Variants in POLG2 observed in about 807,000 individuals in gnomAD.
The protein encoded by POLG2 is DNA polymerase gamma 2, accessory subunit.
Under a neutral mutation model 56.5 loss-of-function variants are expected in POLG2, and 50 were observed. The ratio of observed to expected loss-of-function variants is 0.88; its 90% CI spans 0.71 to 1.12. The LOEUF is 1.12. Ranked by LOEUF, POLG2 falls within the 50% of genes most tolerant of loss-of-function variation. POLG2 has a pLI of 0.00. For missense variants in POLG2, 584 were observed against 583.3 expected, an observed-to-expected ratio of 1.00 and a Z score of -0.01; for synonymous variants, 226 against 222.6, an observed-to-expected ratio of 1.02 and a Z score of -0.14.
chr17:64,494,113 C>T (rs1555669066), intron 1 of POLG2, among the ~76,000 whole-genome samples: 1 of 152,128 alleles, frequency 6.6e-6, no homozygotes, highest in African/African-American at 2.4e-5. Flanking sequence ...TTTCTTTCAT[C>T]CATTTGAATC....
Position 64,496,412 on chromosome 17 carries a change from A to G in POLG2, c.557T>C (p.Leu186Pro). Residue 186 changes from leucine to proline, a missense_variant, in exon 1 of 8, where the codon CTT (leucine) becomes CCT (proline). By Grantham distance (98) the Leu-to-Pro change is moderately conservative. Transcript: ENST00000539111. ...CATGAAATCGTGAAGCATACCGTGA[A>G]GAAGGTTCTCCCGTAGTTTCCCAGA... ...KTSGKLRENL[L>P]HGALEHYVNC... is the part of the protein sequence containing the mutation. 1 of 1,570,556 alleles carries G rather than the reference A, an allele frequency of 6.4e-7. No individual in the cohort carries two copies. The highest frequency in any genetic ancestry group is 8.7e-7 in the Non-Finnish European group (1 of 1,149,540).
chr17:64,494,969 A>C (rs7214650), intron 1 of POLG2, among the ~76,000 whole-genome samples: 42,142 of 151,250 alleles, frequency 0.28, 11,328 homozygotes, highest in African/African-American at 0.7. Context: ...GTCAGGAGAT[A>C]GAGACCATCC....
At position 64,497,016 on chromosome 17, in the gene POLG2, C is replaced by G. The variant is rs376183896; in HGVS notation, c.-48G>C. 1.2e-4 allele frequency: 180 copies of G among 1,537,968 alleles called. No homozygotes were observed. Among genetic ancestry groups the G allele is most frequent in the Non-Finnish European group, 1.5e-4 (172 of 1,124,292 alleles). On this transcript the variant is annotated 5_prime_UTR_variant, in exon 1 of 8. Coordinates refer to ENST00000539111, the MANE Select transcript of POLG2 (RefSeq NM_007215.4). Reference sequence around the variant, plus strand: ...CACTCTCCCATCACTCAACGGATCCCAACAAGCCACCACTACCGTTAACAG... The same window carrying G: ...CACTCTCCCATCACTCAACGGATCCGAACAAGCCACCACTACCGTTAACAG...
chr17:64,487,160 A>G (rs1472834694), intron 4 of POLG2: 1 of 152,234 alleles, frequency 6.6e-6, no homozygotes, highest in Non-Finnish European at 1.5e-5. Context: ...CACAGTCTTC[A>G]TTAATACATA....
chr17:64,481,201 C>A lies in POLG2; in HGVS notation c.1192-812G>T, dbSNP rs979527478. On this transcript the variant is annotated intron_variant, in intron 6 of 7. Transcript: ENST00000539111. ...TAAATGGTGACTGAGCTACAGCATC[C>A]TAGGAGCTTCCTAGCTTATAAGGGT... 1.7e-5 allele frequency: 14 copies of A among 836,984 alleles called. No individual in the cohort carries two copies. The South Asian group carries it at 6.6e-4, about 39-fold the overall frequency. The allele number at this position is 836,984 out of a possible 1,614,324, so 51.8% of individuals were successfully genotyped here.
intron 7 of POLG2, 51 bp downstream of exon 7, chr17:64,480,238 A>G: frequency 1.4e-6 from 1 of 690,006 alleles, no homozygotes; most frequent in Non-Finnish European, 2.4e-6. Flanking sequence ...TCATAAACAT[A>G]ATCAAAAACT....
At chr17:64,492,027 T>C (rs2038070268) in intron 3 of POLG2, among the ~76,000 whole-genome samples, 1 of 151,866 alleles carries the variant, frequency 6.6e-6, no homozygotes, top group South Asian at 2.1e-4. Flanking sequence ...TGTTTTTTAG[T>C]AGGAAAGAAC....
rs1598139595 is a variant in POLG2 at position 64,496,963 on chromosome 17, G to A, written c.6C>T (p.Arg2=). 1 of 1,605,206 alleles carries A rather than the reference G, an allele frequency of 6.2e-7. No individual in the cohort carries two copies. Among genetic ancestry groups the A allele is most frequent in the Middle Eastern group, 1.6e-4 (1 of 6,062 alleles). M[R]SRVAVRACHK... is the part of the protein sequence containing the mutation. The stretch of plus-strand genomic sequence containing the variant: ...GGCAGGCCCTGACGGCTACACGAGA[G>A]CGCATCTCTCTCCGAAGTTAAAGAG... Residue 2 remains arginine, a synonymous_variant, in exon 1 of 8, where the codon CGC becomes CGT. Coordinates refer to ENST00000539111, the MANE Select transcript of POLG2 (RefSeq NM_007215.4).
At chr17:64,482,216 G>T (rs1555666635) in intron 6 of POLG2, among the ~76,000 whole-genome samples, 1 of 146,866 alleles carries the variant, frequency 6.8e-6, no homozygotes. Context: ...TGATTCTTGT[G>T]CCTTAGCCTC....
chr17:64,491,000 A>G (rs782518830), intron 3 of POLG2, 31 bp from the exon 4 acceptor site: 10 of 1,528,482 alleles, frequency 6.5e-6, no homozygotes, highest in Non-Finnish European at 9.1e-6. Context: ...TTGTCTTAAC[A>G]TATTTAAATA....
chr17:64,485,653 G>C (rs183595768), intron 5 of POLG2, 75 bp downstream of exon 5: 7 of 1,146,100 alleles, frequency 6.1e-6, no homozygotes. Context: ...GTTAGAAACC[G>C]AGCACACTAA....
At chr17:64,494,057 A>T (rs2144207046) in intron 1 of POLG2, among the ~76,000 whole-genome samples, 1 of 152,342 alleles carries the variant, frequency 6.6e-6, no homozygotes, top group East Asian at 1.9e-4. Flanking sequence ...AATATCTTTT[A>T]CTGTTCTCTT....
intron 7 of POLG2, 27 bp from the exon 8 acceptor site, chr17:64,478,015 CAT>C (rs1239899805): frequency 8.1e-6 from 13 of 1,607,066 alleles, no homozygotes; most frequent in Non-Finnish European, 1.1e-5. Flanking sequence ...TAAACAGACA[CAT>C]GAGCACAAAT....
Position 64,496,418 on chromosome 17 carries a change from T to A in POLG2, c.551A>T (p.Asn184Ile), listed in dbSNP as rs1555669509. ...ATCGTGAAGCATACCGTGAAGAAGG[T>A]TCTCCCGTAGTTTCCCAGAAGTTTT... ...VLKTSGKLRE[N>I]LLHGALEHYV... The change falls in exon 1 of 8, where the codon AAC becomes ATC. Residue 184 changes from asparagine to isoleucine, a missense_variant. By Grantham distance (149) the Asn-to-Ile change is moderately radical. Transcript: ENST00000539111. 1.9e-6 allele frequency: 3 copies of A among 1,575,604 alleles called. No homozygotes were observed.
intron 6 of POLG2, among the ~76,000 whole-genome samples, chr17:64,482,663 G>C (rs1555666732): frequency 1.3e-5 from 2 of 152,146 alleles, no homozygotes; most frequent in African/African-American, 4.8e-5. Flanking sequence ...ATTTTAAATG[G>C]CAAGCTATCA....
At chr17:64,489,361 T>TAA (rs1555668105) in intron 4 of POLG2, among the ~76,000 whole-genome samples, 5 of 135,360 alleles carry the variant, frequency 3.7e-5, no homozygotes, top group Admixed American at 1.5e-4. Context: ...TGTTTTTTTT[T>TAA]AAAAAAAAAA....
At chr17:64,493,679 G>A (rs887209190) in intron 1 of POLG2, among the ~76,000 whole-genome samples, 95 of 152,094 alleles carry the variant, frequency 6.2e-4, no homozygotes, top group Middle Eastern at 6.8e-3. Flanking sequence ...GTAGAGACGG[G>A]GTTTCACCGT....
At chr17:64,496,346 G>A in intron 1 of POLG2, 61 bp downstream of exon 1, 2 of 1,113,464 alleles carry the variant, frequency 1.8e-6, no homozygotes, top group Admixed American at 2.1e-5. Flanking sequence ...CCAAGATCCA[G>A]CAAGACTGCC....
intron 5 of POLG2, 42 bp downstream of exon 5, chr17:64,485,686 A>G (rs1555667310): frequency 6.5e-7 from 1 of 1,528,094 alleles, no homozygotes; most frequent in South Asian, 1.1e-5. Flanking sequence ...ACAAACCCAT[A>G]TTTTTAGTTT....
Sources: gnomAD v4.1 joint callset for allele counts (sites outside exome capture counted in the v4.1 genomes callset) on GRCh38, gnomAD v4.1.1 for gene constraint, MANE v1.5 for transcripts, NCBI Gene and HGNC (gene_info 2026-07-23, HGNC 2026-07-21) for gene names.